Variants in GNAI1 observed in about 807,000 individuals in gnomAD.
GNAI1 encodes the protein G protein subunit alpha i1.
A neutral mutation model predicts 38.9 loss-of-function variants in GNAI1; 11 were observed. The ratio of observed to expected loss-of-function variants is 0.28; its 90% CI spans 0.18 to 0.47. The LOEUF is 0.47. Among genes scored for constraint, GNAI1 ranks in the 20% least tolerant of loss-of-function variants. The probability of loss-of-function intolerance (pLI) is 0.99; values close to 1 mark genes in which losing one functional copy is unlikely to be tolerated. For synonymous variants in GNAI1, 166 were observed against 145.1 expected, an observed-to-expected ratio of 1.14 and a Z score of -1.04; for missense variants, 317 against 436.9, an observed-to-expected ratio of 0.73 and a Z score of 2.45.
At chr7:80,198,338 C>G (rs185792320) in intron 3 of GNAI1, among the ~76,000 whole-genome samples, 1 of 151,790 alleles carries the variant, frequency 6.6e-6, no homozygotes, top group Non-Finnish European at 1.5e-5. Context: ...TTTCACCTAG[C>G]TTTAAAAAAA....
chr7:80,176,735 G>A (rs914595302), intron 1 of GNAI1, among the ~76,000 whole-genome samples: 9 of 151,976 alleles, frequency 5.9e-5, no homozygotes, highest in Non-Finnish European at 1.0e-4. Flanking sequence ...TCAGGAGTTC[G>A]AGACCAGCCT....
At chr7:80,140,487 A>T (rs183072232) in intron 1 of GNAI1, among the ~76,000 whole-genome samples, 1 of 152,180 alleles carries the variant, frequency 6.6e-6, no homozygotes, top group Non-Finnish European at 1.5e-5. Context: ...TCTGTGTACA[A>T]CAAATTCACA....
rs568043725 is a variant in GNAI1, at chr7:80,175,633, A to G, written c.119-13318A>G. Among the ~76,000 whole-genome samples the G allele has an allele frequency of 3.3e-5, 5 of 150,472 alleles. No homozygotes were observed. In the East Asian group the frequency reaches 9.8e-4, roughly 29 times the overall value. On this transcript the variant is annotated intron_variant, in intron 1 of 7. Transcript: ENST00000649796. Reference sequence around the variant, plus strand: ...AGTCTGTCAACACCATTTTTCTAATATGTGTGCTCATTTTGTATCTCTGTG... The same window carrying G: ...AGTCTGTCAACACCATTTTTCTAATGTGTGTGCTCATTTTGTATCTCTGTG...
chr7:80,158,123 A>T (rs998540162), intron 1 of GNAI1, among the ~76,000 whole-genome samples: 1 of 152,194 alleles, frequency 6.6e-6, no homozygotes, highest in East Asian at 1.9e-4. Flanking sequence ...TGTGTTGATT[A>T]TGATAGGCCT....
At chr7:80,183,084 A>G (rs1003141357) in intron 1 of GNAI1, among the ~76,000 whole-genome samples, 6 of 152,200 alleles carry the variant, frequency 3.9e-5, no homozygotes, top group African/African-American at 1.2e-4. Context: ...GTCCTTGAGA[A>G]AGACATTCCT....
chr7:80,156,042 C>CAAAAAAA (rs1182960135), intron 1 of GNAI1, among the ~76,000 whole-genome samples: 28 of 68,500 alleles, frequency 4.1e-4, no homozygotes, highest in Non-Finnish European at 4.8e-4. Flanking sequence ...GACTCTGTCT[C>CAAAAAAA]AAAAAAAAAA....
intron 4 of GNAI1, among the ~76,000 whole-genome samples, chr7:80,199,944 A>G (rs532443860): frequency 5.3e-5 from 8 of 152,256 alleles, no homozygotes; most frequent in Non-Finnish European, 1.0e-4. Context: ...ATTTAAGTAC[A>G]GTTTTTTGGA....
Position 80,226,119 on chromosome 7 carries a change from A to G in GNAI1, c.*8626A>G, listed in dbSNP as rs1315588032. 1.3e-5 allele frequency among the ~76,000 whole-genome samples: 2 copies of G among 152,196 alleles called. No individual in the cohort carries two copies. The highest frequency in any genetic ancestry group is 2.9e-5 in the Non-Finnish European group (2 of 68,020). ...TGAAGAAAAAAAAAGACTAGATTTT[A>G]TATCAACTTAATTGTCTTTTGGTTT... On this transcript the variant is annotated 3_prime_UTR_variant, in exon 8 of 8. Transcript: ENST00000649796.
At chr7:80,172,942 T>C (rs1788121889) in intron 1 of GNAI1, among the ~76,000 whole-genome samples, 1 of 152,186 alleles carries the variant, frequency 6.6e-6, no homozygotes, top group Non-Finnish European at 1.5e-5. Flanking sequence ...GACTGCCAGT[T>C]ATCCCCCCAA....
At chr7:80,208,800 A>G (rs1016867206) in intron 5 of GNAI1, among the ~76,000 whole-genome samples, 2 of 152,190 alleles carry the variant, frequency 1.3e-5, no homozygotes, top group Non-Finnish European at 2.9e-5. Flanking sequence ...TCCTCAGCTA[A>G]ATATCCAAGT....
At chr7:80,188,854 G>A in intron 1 of GNAI1, 97 bp from the exon 2 acceptor site, 1 of 778,778 alleles carries the variant, frequency 1.3e-6, no homozygotes, top group Non-Finnish European at 2.2e-6. Flanking sequence ...GAGAGAGACT[G>A]GGTGTGTGTG....
At chr7:80,215,454 G>C (rs2115720963) in intron 7 of GNAI1, among the ~76,000 whole-genome samples, 1 of 152,254 alleles carries the variant, frequency 6.6e-6, no homozygotes, top group East Asian at 1.9e-4. Context: ...AAAAGTATGT[G>C]ATTTCTAGTG....
chr7:80,193,552 C>G (rs560245636), intron 3 of GNAI1, among the ~76,000 whole-genome samples: 1 of 152,084 alleles, frequency 6.6e-6, no homozygotes, highest in East Asian at 1.9e-4. Context: ...GATTATGTTT[C>G]TAATGAAGTA....
chr7:80,178,847 T>G (rs951537562), intron 1 of GNAI1, among the ~76,000 whole-genome samples: 19 of 152,214 alleles, frequency 1.2e-4, no homozygotes, highest in African/African-American at 4.3e-4. Flanking sequence ...CGTTTCAGAT[T>G]CTACACTGTA....
chr7:80,148,753 T>A (rs1383606272), intron 1 of GNAI1, among the ~76,000 whole-genome samples: 1 of 152,114 alleles, frequency 6.6e-6, no homozygotes, highest in African/African-American at 2.4e-5. Context: ...TTCTGAAAGT[T>A]AGGATTAGCT....
intron 1 of GNAI1, among the ~76,000 whole-genome samples, chr7:80,147,561 G>C (rs371893341): frequency 6.6e-6 from 1 of 152,014 alleles, no homozygotes; most frequent in African/African-American, 2.4e-5. Context: ...GTTACAGCAG[G>C]CTTCACTGAC....
chr7:80,213,847 T>G (rs1424335326), intron 7 of GNAI1, among the ~76,000 whole-genome samples: 1 of 151,978 alleles, frequency 6.6e-6, no homozygotes, highest in Non-Finnish European at 1.5e-5. Flanking sequence ...TTCCTGTTTT[T>G]TTTTTTAAAA....
chr7:80,173,297 T>G (rs1788127138), intron 1 of GNAI1, among the ~76,000 whole-genome samples: 1 of 152,164 alleles, frequency 6.6e-6, no homozygotes, highest in Admixed American at 6.5e-5. Context: ...ACTTTTAAAT[T>G]ATGCTTAGAA....
intron 1 of GNAI1, among the ~76,000 whole-genome samples, chr7:80,142,928 G>A (rs1787550923): frequency 6.6e-6 from 1 of 152,118 alleles, no homozygotes. Context: ...TTGCTGCCTT[G>A]CTGTTTCACA....
Sources: gnomAD v4.1 joint callset for allele counts (sites outside exome capture counted in the v4.1 genomes callset) on GRCh38, gnomAD v4.1.1 for gene constraint, MANE v1.5 for transcripts, NCBI Gene and HGNC (gene_info 2026-07-23, HGNC 2026-07-21) for gene names.